TRPM3: variants seen among roughly 807,000 people sequenced by gnomAD.
The protein encoded by TRPM3 is transient receptor potential cation channel subfamily M member 3, also known as long transient receptor potential channel 3.
TRPM3 carries 77 observed loss-of-function variants against 181.2 expected under a neutral mutation model. The observed-to-expected ratio is 0.42, with a 90% CI of 0.35 to 0.51. The LOEUF (loss-of-function observed/expected upper bound fraction) is 0.51. TRPM3 is among the 20% of genes least tolerant of loss of function. The pLI is 0.01. For synonymous variants in TRPM3, 745 were observed against 796.4 expected, an observed-to-expected ratio of 0.94 and a Z score of 1.09; for missense variants, 1,759 against 2,196.7, an observed-to-expected ratio of 0.80 and a Z score of 3.98.
intron 3 of TRPM3, among the ~76,000 whole-genome samples, chr9:70,853,220 C>A (rs2095290863): frequency 6.6e-6 from 1 of 152,206 alleles, no homozygotes; most frequent in South Asian, 2.1e-4. Context: ...AGGTGAGTGA[C>A]TGGAATATCA....
In TRPM3 at chr9:70,883,006, T is replaced by C. The variant is rs180686591; in HGVS notation, c.178-18495A>G. On this transcript the variant is annotated intron_variant, in intron 1 of 25. Transcript: ENST00000677713. Reference sequence around the variant, plus strand: ...AAAAACAACATTCTGAACATATGTGTTTCCTGTAACATAATAACAATGGGA... The same window carrying C: ...AAAAACAACATTCTGAACATATGTGCTTCCTGTAACATAATAACAATGGGA... Among the ~76,000 whole-genome samples, 313 of 152,312 alleles carry C rather than the reference T, an allele frequency of 2.1e-3. 2 individuals carry two copies. Among genetic ancestry groups the C allele is most frequent in the Non-Finnish European group, 3.6e-3 (248 of 68,022 alleles).
chr9:71,109,525 A>C (rs2070557698), intron 1 of TRPM3, among the ~76,000 whole-genome samples: 1 of 152,226 alleles, frequency 6.6e-6, no homozygotes, highest in Non-Finnish European at 1.5e-5. Flanking sequence ...ATTTATGAAT[A>C]ATACAAAACA....
At chr9:70,809,548 A>T (rs2091458469) in intron 6 of TRPM3, among the ~76,000 whole-genome samples, 1 of 152,212 alleles carries the variant, frequency 6.6e-6, no homozygotes, top group African/African-American at 2.4e-5. Flanking sequence ...ACCACATAGT[A>T]ACATGCTATA....
intron 9 of TRPM3, among the ~76,000 whole-genome samples, chr9:70,659,029 ATT>A (rs1251394483): frequency 6.6e-6 from 1 of 151,980 alleles, no homozygotes; most frequent in African/African-American, 2.4e-5. Context: ...TTTGGAGCAT[ATT>A]TTTTTCTCTC....
intron 1 of TRPM3, among the ~76,000 whole-genome samples, chr9:71,119,083 T>C (rs1186014962): frequency 2.0e-5 from 3 of 152,196 alleles, no homozygotes; most frequent in Non-Finnish European, 1.5e-5. Context: ...ATTGCTCATA[T>C]ACCAAAGCAG....
chr9:71,363,641 A>G (rs1460720010), intron 1 of TRPM3, among the ~76,000 whole-genome samples: 1 of 152,162 alleles, frequency 6.6e-6, no homozygotes, highest in African/African-American at 2.4e-5. Flanking sequence ...GCTTTGTAAA[A>G]TCTCATTTTC....
chr9:70,686,156 A>G (rs2066706530), intron 8 of TRPM3, among the ~76,000 whole-genome samples: 1 of 151,752 alleles, frequency 6.6e-6, no homozygotes, highest in South Asian at 2.1e-4. Context: ...GTATATACAC[A>G]CATACGTATG....
intron 1 of TRPM3, among the ~76,000 whole-genome samples, chr9:71,187,332 C>T (rs928668860): frequency 6.6e-6 from 1 of 151,954 alleles, no homozygotes; most frequent in Admixed American, 6.6e-5. Context: ...GTTCTCTCTT[C>T]CCTCCAGGAA....
intron 1 of TRPM3, among the ~76,000 whole-genome samples, chr9:70,877,551 T>A (rs527551027): frequency 6.6e-6 from 1 of 151,964 alleles, no homozygotes; most frequent in Admixed American, 6.6e-5. Flanking sequence ...TAATGTGATT[T>A]ATTCTAAGAT....
chr9:71,376,167 T>G (rs923061566), intron 1 of TRPM3, among the ~76,000 whole-genome samples: 2 of 151,938 alleles, frequency 1.3e-5, no homozygotes, highest in Non-Finnish European at 2.9e-5. Flanking sequence ...TTTGCTGAAT[T>G]AACTAGAAGA....
At chr9:70,995,734 C>T (rs1401450428) in intron 1 of TRPM3, among the ~76,000 whole-genome samples, 1 of 152,124 alleles carries the variant, frequency 6.6e-6, no homozygotes, top group Non-Finnish European at 1.5e-5. Context: ...CACATAAACT[C>T]AGCATGCCAG....
intron 7 of TRPM3, among the ~76,000 whole-genome samples, chr9:70,765,091 C>G (rs985964004): frequency 6.6e-6 from 1 of 152,128 alleles, no homozygotes; most frequent in Non-Finnish European, 1.5e-5. Flanking sequence ...GAAAACTATG[C>G]CCTAAGGAGG....
At chr9:70,898,517 A>C (rs1476343607) in intron 1 of TRPM3, among the ~76,000 whole-genome samples, 1 of 150,800 alleles carries the variant, frequency 6.6e-6, no homozygotes, top group Non-Finnish European at 1.5e-5. Flanking sequence ...TGGGAGGCCA[A>C]GGCGGGCGGA....
chr9:70,767,945 A>G (rs1358936570), intron 7 of TRPM3, among the ~76,000 whole-genome samples: 1 of 152,184 alleles, frequency 6.6e-6, no homozygotes, highest in Non-Finnish European at 1.5e-5. Context: ...TGATTATTGT[A>G]ACAAGTCACT....
At chr9:70,545,338 C>T (rs1430389513) in intron 25 of TRPM3, among the ~76,000 whole-genome samples, 2 of 152,082 alleles carry the variant, frequency 1.3e-5, no homozygotes, top group African/African-American at 4.8e-5. Flanking sequence ...TTGAGTTTAA[C>T]TTAGGCACCA....
rs563381254 is a variant in TRPM3 at position 70,924,986 on chromosome 9, T to C, written c.178-60475A>G. On this transcript the variant is annotated intron_variant, in intron 1 of 25. Transcript: ENST00000677713. ...AGAAGCCAGCTTTCATTCTGCGCTC[T>C]TTCCACTGAACCGTACACAATTGCC... Among the ~76,000 whole-genome samples the C allele has an allele frequency of 8.5e-5, 13 of 152,286 alleles. No individual in the cohort carries two copies. In the South Asian group the frequency reaches 2.5e-3, roughly 29 times the overall value.
chr9:70,560,727 A>G (rs1238820078), intron 22 of TRPM3, among the ~76,000 whole-genome samples: 4 of 152,348 alleles, frequency 2.6e-5, no homozygotes, highest in African/African-American at 9.6e-5. Context: ...GACATTGATT[A>G]TTCTTGTCCC....
At chr9:70,793,827 G>A (rs573779505) in intron 6 of TRPM3, 21 of 318,638 alleles carry the variant, frequency 6.6e-5, no homozygotes, top group Middle Eastern at 6.3e-4. Context: ...ACCACCATTC[G>A]TCTTTCATTT....
At chr9:70,580,519 T>C (rs2055357289) in intron 22 of TRPM3, among the ~76,000 whole-genome samples, 1 of 152,122 alleles carries the variant, frequency 6.6e-6, no homozygotes. Context: ...CCAGTGTAGA[T>C]ACAGAGGGCT....
Sources: gnomAD v4.1 joint callset for allele counts (sites outside exome capture counted in the v4.1 genomes callset) on GRCh38, gnomAD v4.1.1 for gene constraint, MANE v1.5 for transcripts, NCBI Gene and HGNC (gene_info 2026-07-23, HGNC 2026-07-21) for gene names.